The following TMEM114 variants were observed in gnomAD, a reference collection of about 807,000 sequenced individuals.
TMEM114 encodes transmembrane protein 114, also known as claudin-26.
TMEM114 carries 6 observed loss-of-function variants against 6.2 expected under a neutral mutation model. The observed-to-expected ratio is 0.97, with a 90% confidence interval of 0.53 to 1.91. The LOEUF is 1.91. TMEM114 is among the 40% of genes most tolerant of loss of function. The pLI is 0.01. For missense variants in TMEM114, 218 were observed against 158.3 expected (o/e 1.38, Z -2.02); for synonymous variants, 104 against 73.0 (o/e 1.42, Z -2.16).
chr16:8,553,747 C>T (rs1900918264), intron 2 of TMEM114, among the ~76,000 whole-genome samples: 1 of 152,100 alleles, frequency 6.6e-6, no homozygotes, highest in African/African-American at 2.4e-5. Flanking sequence ...TCCCAAAGTG[C>T]TGGGATTACA....
intron 2 of TMEM114, among the ~76,000 whole-genome samples, chr16:8,544,895 G>C (rs1900615096): frequency 6.6e-6 from 1 of 151,506 alleles, no homozygotes; most frequent in Admixed American, 6.6e-5. Context: ...TCTATTCCAA[G>C]TGGTTACTCT....
chr16:8,583,919 A>G (rs1364978401), intron 2 of TMEM114, among the ~76,000 whole-genome samples: 1 of 152,082 alleles, frequency 6.6e-6, no homozygotes, highest in Admixed American at 6.5e-5. Flanking sequence ...GCTGATCCCA[A>G]CCCACTCCAG....
downstream of TMEM114, among the ~76,000 whole-genome samples, chr16:8,534,231 C>T (rs7199530): frequency 0.59 from 89,070 of 152,064 alleles, 26,124 homozygotes; most frequent in South Asian, 0.68. Context: ...CCGGACAAAA[C>T]TGCAGACAAT....
At chr16:8,561,865 GGAATGAGTGAGT>G (rs201719638) in intron 2 of TMEM114, among the ~76,000 whole-genome samples, 37 of 132,880 alleles carry the variant, frequency 2.8e-4, no homozygotes, top group Middle Eastern at 4.6e-3. Flanking sequence ...AGTGAGTGAG[GGAATGAGTGAGT>G]GAATGAGTGA....
chr16:8,562,052 G>GTGAATGAGTGAGTAAATGAGTGAGTGAA (rs1901240779), intron 2 of TMEM114, among the ~76,000 whole-genome samples: 3 of 150,768 alleles, frequency 2.0e-5, no homozygotes, highest in Admixed American at 6.6e-5. Flanking sequence ...GAGTGAGTGA[G>GTGAATGAGTGAGTAAATGAGTGAGTGAA]TGAATGAGTG....
the TMEM114 span, among the ~76,000 whole-genome samples, chr16:8,528,434 C>G: frequency 6.6e-6 from 1 of 152,264 alleles, no homozygotes; most frequent in Admixed American, 6.5e-5. Context: ...ACCTGCTCCC[C>G]CAAACATAGA....
chr16:8,545,106 T>A (rs1372816778), intron 2 of TMEM114, among the ~76,000 whole-genome samples: 1 of 152,186 alleles, frequency 6.6e-6, no homozygotes, highest in African/African-American at 2.4e-5. Flanking sequence ...CTCTTTTCTT[T>A]CTAGTTGTTC....
chr16:8,581,507 G>A (rs1409482256), intron 2 of TMEM114, among the ~76,000 whole-genome samples: 1 of 152,198 alleles, frequency 6.6e-6, no homozygotes, highest in East Asian at 1.9e-4. Flanking sequence ...AGGCTGGAGT[G>A]CAATGGTGTG....
chr16:8,585,825 G>C (rs1254784294), intron 2 of TMEM114, among the ~76,000 whole-genome samples: 1 of 152,122 alleles, frequency 6.6e-6, no homozygotes, highest in African/African-American at 2.4e-5. Flanking sequence ...CTTACAAAAA[G>C]AGATGACAAT....
downstream of TMEM114, among the ~76,000 whole-genome samples, chr16:8,536,752 G>T (rs544712900): frequency 6.6e-6 from 1 of 152,018 alleles, no homozygotes; most frequent in East Asian, 1.9e-4. Context: ...AAAAGGGGAG[G>T]ACTCCCAGTT....
chr16:8,586,901 C>T (rs1902339715), intron 2 of TMEM114, among the ~76,000 whole-genome samples: 1 of 152,190 alleles, frequency 6.6e-6, no homozygotes. Flanking sequence ...ACGGTACCTC[C>T]ACCTTTCCTC....
rs1902432659 is a variant in TMEM114 at position 8,589,875 on chromosome 16, G to A, written c.-37C>T. ...GGACCAGCAGCCGCGGGTTCCAGTGGCCGCGGCGCGACCCCTCTGCTCCTG... is the reference window on the plus strand; with the variant it reads ...GGACCAGCAGCCGCGGGTTCCAGTGACCGCGGCGCGACCCCTCTGCTCCTG... On this transcript the variant is annotated 5_prime_UTR_variant, in exon 1 of 4. Transcript: ENST00000620492. 1 of 395,130 alleles carries A rather than the reference G, an allele frequency of 2.5e-6. No individual in the cohort carries two copies. The highest frequency in any genetic ancestry group is 4.5e-6 in the Non-Finnish European group (1 of 223,908). 24.5% of individuals were successfully genotyped at this position (395,130 alleles called of 1,614,324 possible).
chr16:8,586,277 A>G (rs149810588), intron 2 of TMEM114, among the ~76,000 whole-genome samples: 43 of 152,272 alleles, frequency 2.8e-4, no homozygotes, highest in African/African-American at 1.0e-3. Flanking sequence ...TCATTCCTTT[A>G]TGACTGGTCC....
chr16:8,586,702 G>C (rs1177992770), intron 2 of TMEM114, among the ~76,000 whole-genome samples: 3 of 152,028 alleles, frequency 2.0e-5, no homozygotes, highest in Non-Finnish European at 4.4e-5. Context: ...TAGAGATGGG[G>C]TTTCACCATG....
chr16:8,580,985 C>G (rs1902129499), intron 2 of TMEM114, among the ~76,000 whole-genome samples: 1 of 152,198 alleles, frequency 6.6e-6, no homozygotes, highest in Non-Finnish European at 1.5e-5. Flanking sequence ...AGCCACCATG[C>G]CCAGCCTTTA....
At position 8,546,169 on chromosome 16, in the gene TMEM114, G is replaced by A. The variant is rs144849002; in HGVS notation, n.213-8343C>T. On this transcript the variant is annotated intron_variant and non_coding_transcript_variant, in intron 2 of 2. Coordinates refer to the TMEM114 transcript ENST00000623677. Reference sequence around the variant, plus strand: ...AAACAATTATATTAAGAACATAAATGTTCATAAATACATACAATCCTGAAG... The same window carrying A: ...AAACAATTATATTAAGAACATAAATATTCATAAATACATACAATCCTGAAG... Among the ~76,000 whole-genome samples the A allele has an allele frequency of 1.9e-3, 283 of 152,248 alleles. 2 individuals carry two copies. The highest frequency in any genetic ancestry group is 6.6e-3 in the African/African-American group (274 of 41,544).
chr16:8,573,591 C>G (rs926335939), intron 2 of TMEM114, among the ~76,000 whole-genome samples: 14 of 152,102 alleles, frequency 9.2e-5, no homozygotes, highest in African/African-American at 3.4e-4. Context: ...TTTTATCCAT[C>G]CTTCATTTAC....
chr16:8,569,464 G>C, downstream of TMEM114: 1 of 1,204,210 alleles, frequency 8.3e-7, no homozygotes. Context: ...GAAGTCGGAG[G>C]GGGCGTGAGG....
At chr16:8,562,457 T>TGAGGGAGG (rs1209531108) in intron 2 of TMEM114, among the ~76,000 whole-genome samples, 1 of 149,864 alleles carries the variant, frequency 6.7e-6, no homozygotes, top group South Asian at 2.1e-4. Context: ...AATGAGTGAG[T>TGAGGGAGG]GAGGGAGGGA....
Sources: allele counts gnomAD v4.1 joint callset (sites outside exome capture counted in the v4.1 genomes callset), GRCh38; gene constraint gnomAD v4.1.1; transcripts MANE v1.5; gene names NCBI Gene and HGNC (gene_info 2026-07-23, HGNC 2026-07-21).